The following PPARG variants were observed in gnomAD, a reference collection of about 807,000 sequenced individuals.
The protein encoded by PPARG is peroxisome proliferator activated receptor gamma, also known as peroxisome proliferator-activated receptor gamma.
PPARG carries 17 observed loss-of-function variants against 39.2 expected under a neutral mutation model. That is an observed-to-expected ratio of 0.43 (90% CI 0.30 to 0.65). The LOEUF (loss-of-function observed/expected upper bound fraction) is 0.65. Among genes scored for constraint, PPARG ranks in the 30% least tolerant of loss-of-function variants. PPARG has a pLI of 0.13. For missense variants in PPARG, 406 were observed against 585.9 expected (o/e 0.69, Z 3.17); for synonymous variants, 223 against 215.7 (o/e 1.03, Z -0.30).
At chr3:12,301,992 G>C (rs2046938637) in intron 1 of PPARG, 1 of 152,174 alleles carries the variant, frequency 6.6e-6, no homozygotes, top group Non-Finnish European at 1.5e-5. Flanking sequence ...CTGTAGCTAC[G>C]AGATTATCAT....
Position 12,372,138 on chromosome 3 carries a change from C to T in PPARG, c.-8-7566C>T, listed in dbSNP as rs1439705612. On this transcript the variant is annotated intron_variant, in intron 2 of 7. Coordinates refer to ENST00000651735, the MANE Select transcript of PPARG (RefSeq NM_138711.6). Reference sequence around the variant, plus strand: ...CACGTACTCTTGTTGCCTAGCTGAACACATTTCTCCAATAAAGCTTTCATT... The same window carrying T: ...CACGTACTCTTGTTGCCTAGCTGAATACATTTCTCCAATAAAGCTTTCATT... 6 of 718,944 alleles carry T rather than the reference C, an allele frequency of 8.3e-6. No individual in the cohort carries two copies. In the South Asian group the frequency reaches 8.8e-5, roughly 11 times the overall value. The allele number at this position is 718,944 out of a possible 1,614,324, so 44.5% of individuals were successfully genotyped here.
At chr3:12,300,203 A>G (rs1399892446) in intron 1 of PPARG, among the ~76,000 whole-genome samples, 1 of 142,824 alleles carries the variant, frequency 7.0e-6, no homozygotes, top group African/African-American at 2.4e-5. Context: ...AAATTTCACC[A>G]GAGTTAATTT....
At chr3:12,375,245 GGAGA>G (rs141166078) in intron 2 of PPARG, among the ~76,000 whole-genome samples, 20 of 147,956 alleles carry the variant, frequency 1.4e-4, no homozygotes, top group Admixed American at 1.3e-4. Flanking sequence ...TGGGGAGGTG[GGAGA>G]GAGAGAGAGA....
chr3:12,416,989 A>G lies in PPARG; in HGVS notation c.1015A>G (p.Ile339Val). 1 of 1,614,068 alleles carries G rather than the reference A, an allele frequency of 6.2e-7. No homozygotes were observed. Among genetic ancestry groups the G allele is most frequent in the Non-Finnish European group, 8.5e-7 (1 of 1,179,982 alleles). Residue 339 changes from isoleucine (I) to valine (V), a missense_variant, in exon 7 of 8, where the codon ATA becomes GTA. By Grantham distance (29) the Ile-to-Val change is conservative. Around this residue, in one of 2 missense-constraint regions of PPARG, gnomAD observed 275 missense variants for 458.0 expected, o/e 0.60. Transcript: ENST00000651735. ...CTTGATGAATAAAGATGGGGTTCTC[A>G]TATCCGAGGGCCAAGGCTTCATGAC... is the stretch of plus-strand genomic sequence containing the variant. ...ASLMNKDGVL[I>V]SEGQGFMTRE...
chr3:12,414,531 C>A (rs953443401), intron 6 of PPARG, among the ~76,000 whole-genome samples: 5 of 151,888 alleles, frequency 3.3e-5, no homozygotes, highest in Non-Finnish European at 7.4e-5. Flanking sequence ...CTGTAAAATG[C>A]CTGGAGGACA....
At chr3:12,377,093 C>T (rs1222685521) in intron 2 of PPARG, among the ~76,000 whole-genome samples, 1 of 152,102 alleles carries the variant, frequency 6.6e-6, no homozygotes, top group Non-Finnish European at 1.5e-5. Flanking sequence ...CCAGTCTGCA[C>T]CCTCGGTGGC....
rs138473679 is a variant in PPARG, at chr3:12,421,354, G to A, written c.1180+4200G>A. 5.8e-4 allele frequency among the ~76,000 whole-genome samples: 89 copies of A among 152,312 alleles called. No individual in the cohort carries two copies. In the East Asian group the frequency reaches 0.015, roughly 26 times the overall value. Reference sequence around the variant, plus strand: ...CCCTAGTCTTACTGACAGGCTGGGCGGTGTCAAGAGTAATAAAACTGCCTC... The same window carrying A: ...CCCTAGTCTTACTGACAGGCTGGGCAGTGTCAAGAGTAATAAAACTGCCTC... On this transcript the variant is annotated intron_variant, in intron 7 of 7. Coordinates refer to ENST00000651735, the MANE Select transcript of PPARG (RefSeq NM_138711.6).
Position 12,341,825 on chromosome 3 carries a change from T to A in PPARG, c.-9+29372T>A, listed in dbSNP as rs185249330. Among the ~76,000 whole-genome samples, 628 of 151,942 alleles carry A rather than the reference T, an allele frequency of 4.1e-3. 12 individuals carry two copies. The East Asian group carries it at 0.068, about 16-fold the overall frequency. ...CCCTGTCTCAAAAAAAGAAAAAAAA[T>A]TTCCTACTAATAAATGTGGAAAGAG... is the stretch of plus-strand genomic sequence containing the variant. On this transcript the variant is annotated intron_variant, in intron 2 of 7. Coordinates refer to ENST00000651735, the MANE Select transcript of PPARG (RefSeq NM_138711.6).
intron 7 of PPARG, among the ~76,000 whole-genome samples, chr3:12,430,575 G>C (rs1316960307): frequency 6.6e-6 from 1 of 152,202 alleles, no homozygotes; most frequent in Non-Finnish European, 1.5e-5. Flanking sequence ...TGGGGTTATT[G>C]TGAAGATTAA....
chr3:12,303,037 T>C (rs1334914047), intron 1 of PPARG, among the ~76,000 whole-genome samples: 1 of 152,168 alleles, frequency 6.6e-6, no homozygotes, highest in Non-Finnish European at 1.5e-5. Context: ...GGTAAGTCTT[T>C]AAAACTTTAA....
At chr3:12,416,158 C>G (rs2051049126) in intron 6 of PPARG, among the ~76,000 whole-genome samples, 1 of 152,140 alleles carries the variant, frequency 6.6e-6, no homozygotes, top group Non-Finnish European at 1.5e-5. Context: ...GCAGGCAGAT[C>G]ACTTGAGGCC....
intron 2 of PPARG, among the ~76,000 whole-genome samples, chr3:12,349,680 A>G (rs2048425105): frequency 6.6e-6 from 1 of 152,252 alleles, no homozygotes; most frequent in African/African-American, 2.4e-5. Flanking sequence ...AAACAAATGC[A>G]TGAAATGTAA....
chr3:12,413,185 C>G (rs1234492674), intron 6 of PPARG, among the ~76,000 whole-genome samples: 3 of 152,194 alleles, frequency 2.0e-5, no homozygotes, highest in African/African-American at 7.2e-5. Context: ...AAGAGGTTCT[C>G]TCTCCATAAA....
intron 1 of PPARG, among the ~76,000 whole-genome samples, chr3:12,310,759 G>A (rs1574967785): frequency 2.7e-5 from 2 of 73,450 alleles, no homozygotes; most frequent in East Asian, 6.0e-4. Context: ...CACCGTGCCC[G>A]GCCGAGCCCT....
At chr3:12,288,419 G>GC (rs994745018), upstream of PPARG, among the ~76,000 whole-genome samples, 55 of 151,912 alleles carry the variant, frequency 3.6e-4, no homozygotes, top group Admixed American at 7.2e-4. Context: ...TTCCAGGACA[G>GC]CCCCCCTCGG....
chr3:12,392,853 C>A, intron 5 of PPARG, 101 bp downstream of exon 5: 2 of 1,409,330 alleles, frequency 1.4e-6, no homozygotes, highest in South Asian at 1.2e-5. Context: ...GTTTTTCCAC[C>A]AAATGCCAGA....
chr3:12,312,078 T>A lies in PPARG; in HGVS notation c.-82-302T>A, dbSNP rs2047262419. On this transcript the variant is annotated intron_variant, in intron 1 of 7. Coordinates refer to ENST00000651735, the MANE Select transcript of PPARG (RefSeq NM_138711.6). The stretch of plus-strand genomic sequence containing the variant: ...AAAAGATGGAAAGGGGCTTCATTCA[T>A]GTTAGTGATGGAAATAGGAAAGTAG... 1.3e-5 allele frequency among the ~76,000 whole-genome samples: 2 copies of A among 152,228 alleles called. 1 individual carries two copies. Among genetic ancestry groups the A allele is most frequent in the South Asian group, 4.1e-4 (2 of 4,824 alleles).
chr3:12,310,791 TAAAAAAAAAAAA>T lies in PPARG; in HGVS notation c.-82-1567_-82-1556del, dbSNP rs761238501. On this transcript the variant is annotated intron_variant, in intron 1 of 7. Coordinates refer to ENST00000651735, the MANE Select transcript of PPARG (RefSeq NM_138711.6). ...CCCTTTTTAATAGTTGCCTTAAATG[TAAAAAAAAAAAA>T]AAAAAAAAAAAAAAAAAAAAACCCA... Among the ~76,000 whole-genome samples the T allele has an allele frequency of 7.7e-4, 39 of 50,362 alleles. 1 individual carries two copies. In the Middle Eastern group the frequency reaches 0.088, roughly 114 times the overall value. 33.0% of individuals were successfully genotyped at this position (50,362 alleles called of 152,430 possible).
At chr3:12,413,236 G>C (rs1383188074) in intron 6 of PPARG, among the ~76,000 whole-genome samples, 1 of 152,150 alleles carries the variant, frequency 6.6e-6, no homozygotes, top group Non-Finnish European at 1.5e-5. Context: ...TGAGGGTAAG[G>C]AGGTCCCCTG....
Sources: allele counts gnomAD v4.1 joint callset (sites outside exome capture counted in the v4.1 genomes callset), GRCh38; gene constraint gnomAD v4.1.1; regional missense constraint gnomAD v4.1.1; transcripts MANE v1.5; gene names NCBI Gene and HGNC (gene_info 2026-07-23, HGNC 2026-07-21).